Variants in GRID1 observed in about 807,000 individuals in gnomAD.
GRID1 encodes the protein glutamate ionotropic receptor delta type subunit 1.
GRID1 carries 28 observed loss-of-function variants against 98.0 expected under a neutral mutation model. The ratio of observed to expected loss-of-function variants is 0.29; its 90% confidence interval spans 0.21 to 0.39. GRID1 has a LOEUF of 0.39. GRID1 is among the 10% of genes least tolerant of loss of function. GRID1 has a pLI of 1.00. For synonymous variants in GRID1, 553 were observed against 538.5 expected, an observed-to-expected ratio of 1.03 and a Z score of -0.37; for missense variants, 1,111 against 1,340.5, an observed-to-expected ratio of 0.83 and a Z score of 2.67.
At chr10:85,968,539 G>A (rs535130173) in intron 4 of GRID1, among the ~76,000 whole-genome samples, 52 of 150,554 alleles carry the variant, frequency 3.5e-4, no homozygotes, top group Non-Finnish European at 6.3e-4. Flanking sequence ...ATGCAATTTC[G>A]ACAGCAACAA....
At chr10:85,799,455 T>C (rs917118830) in intron 8 of GRID1, among the ~76,000 whole-genome samples, 3 of 152,144 alleles carry the variant, frequency 2.0e-5, no homozygotes, top group Non-Finnish European at 2.9e-5. Context: ...AACTAAGATA[T>C]AGAATCAACC....
intron 12 of GRID1, among the ~76,000 whole-genome samples, chr10:85,679,017 T>C (rs1841176599): frequency 6.6e-6 from 1 of 152,240 alleles, no homozygotes; most frequent in South Asian, 2.1e-4. Flanking sequence ...ACAACACTGA[T>C]GATTTAATTT....
chr10:85,844,106 C>A (rs1842984561), intron 8 of GRID1, among the ~76,000 whole-genome samples: 1 of 152,018 alleles, frequency 6.6e-6, no homozygotes, highest in Non-Finnish European at 1.5e-5. Flanking sequence ...TTGACACATG[C>A]AACAACTTGG....
intron 8 of GRID1, among the ~76,000 whole-genome samples, chr10:85,824,939 C>T (rs757186466): frequency 6.6e-6 from 1 of 152,160 alleles, no homozygotes; most frequent in Non-Finnish European, 1.5e-5. Flanking sequence ...TTTCTTTACC[C>T]ACTCATCAGT....
chr10:86,326,186 G>T (rs1428375612), intron 2 of GRID1, among the ~76,000 whole-genome samples: 1 of 152,124 alleles, frequency 6.6e-6, no homozygotes, highest in Admixed American at 6.5e-5. Context: ...AAATGGGCAG[G>T]ACCTACACAA....
At chr10:85,743,491 T>C (rs1841969170) in intron 8 of GRID1, among the ~76,000 whole-genome samples, 1 of 152,178 alleles carries the variant, frequency 6.6e-6, no homozygotes, top group Non-Finnish European at 1.5e-5. Context: ...AATACAGTGT[T>C]ACAATAAAAA....
intron 8 of GRID1, among the ~76,000 whole-genome samples, chr10:85,839,783 G>A (rs1842945473): frequency 6.6e-6 from 1 of 151,764 alleles, no homozygotes; most frequent in Non-Finnish European, 1.5e-5. Context: ...AAGCTAAACT[G>A]AAGGAAAACC....
intron 5 of GRID1, among the ~76,000 whole-genome samples, chr10:85,903,792 C>A (rs1841422147): frequency 6.6e-6 from 1 of 152,224 alleles, no homozygotes; most frequent in Non-Finnish European, 1.5e-5. Context: ...GACTCCCACT[C>A]AGAGACTTCA....
chr10:86,008,252 C>A (rs1842886992), intron 4 of GRID1, among the ~76,000 whole-genome samples: 1 of 152,074 alleles, frequency 6.6e-6, no homozygotes, highest in African/African-American at 2.4e-5. Flanking sequence ...ACCAGAAAAG[C>A]TAGACCCTCA....
chr10:85,769,213 A>G (rs1419171256), intron 8 of GRID1, among the ~76,000 whole-genome samples: 3 of 152,246 alleles, frequency 2.0e-5, no homozygotes, highest in Non-Finnish European at 2.9e-5. Context: ...TTGCAGCAAC[A>G]TGGGTGCAGC....
intron 8 of GRID1, among the ~76,000 whole-genome samples, chr10:85,834,864 C>G (rs1772166315): frequency 6.6e-6 from 1 of 151,932 alleles, no homozygotes; most frequent in Non-Finnish European, 1.5e-5. Flanking sequence ...CAATACTTAT[C>G]TTAAGGATGT....
chr10:85,854,477 C>G lies in GRID1; in HGVS notation c.1233+19G>C. 4 of 1,612,738 alleles carry G rather than the reference C, an allele frequency of 2.5e-6. No homozygotes were observed. Among genetic ancestry groups the G allele is most frequent in the Non-Finnish European group, 3.4e-6 (4 of 1,178,930 alleles). Reference sequence around the variant, plus strand: ...GCACCATAGCAGGAAGATTGGAAGACAGGGAGCCTGAGGCTTACCTTGCGC... The same window carrying G: ...GCACCATAGCAGGAAGATTGGAAGAGAGGGAGCCTGAGGCTTACCTTGCGC... On this transcript the variant is annotated intron_variant, in intron 8 of 15. Coordinates refer to ENST00000327946, the MANE Select transcript of GRID1 (RefSeq NM_017551.3).
chr10:85,606,925 C>T (rs1347957667), intron 15 of GRID1: 1 of 152,200 alleles, frequency 6.6e-6, no homozygotes, highest in East Asian at 1.9e-4. Flanking sequence ...CAGGTAATGA[C>T]AGCTGTGAAA....
intron 4 of GRID1, among the ~76,000 whole-genome samples, chr10:86,097,766 A>G (rs943778943): frequency 4.6e-5 from 7 of 152,362 alleles, no homozygotes; most frequent in South Asian, 2.1e-4. Flanking sequence ...AACTCTTGAC[A>G]GTGGTTATCT....
chr10:86,011,413 A>C (rs1486961204), intron 4 of GRID1, among the ~76,000 whole-genome samples: 2 of 152,244 alleles, frequency 1.3e-5, no homozygotes, highest in African/African-American at 4.8e-5. Context: ...TAGTGAATAA[A>C]ATGAATTAAA....
intron 5 of GRID1, among the ~76,000 whole-genome samples, chr10:85,898,324 T>C (rs1006162091): frequency 4.6e-5 from 7 of 152,182 alleles, no homozygotes; most frequent in East Asian, 1.9e-4. Context: ...TGGGTGAGTG[T>C]TGAGTAACTG....
chr10:85,800,733 A>G (rs1420232992), intron 8 of GRID1, among the ~76,000 whole-genome samples: 6 of 152,078 alleles, frequency 3.9e-5, no homozygotes, highest in Non-Finnish European at 5.9e-5. Context: ...ATCTTTATAT[A>G]TTACTTTCTA....
intron 11 of GRID1, 100 bp from the exon 12 acceptor site, chr10:85,723,241 T>G: frequency 5.1e-6 from 6 of 1,172,654 alleles, no homozygotes; most frequent in South Asian, 1.9e-5. Context: ...AGGCCATCAC[T>G]CGTGATGGGC....
chr10:85,715,292 A>T (rs1047911597), intron 12 of GRID1, among the ~76,000 whole-genome samples: 2 of 152,188 alleles, frequency 1.3e-5, no homozygotes, highest in East Asian at 1.9e-4. Flanking sequence ...TCCAGAAGAA[A>T]AAAAGCTTTT....
Sources: allele counts gnomAD v4.1 joint callset (sites outside exome capture counted in the v4.1 genomes callset), GRCh38; gene constraint gnomAD v4.1.1; transcripts MANE v1.5; gene names NCBI Gene and HGNC (gene_info 2026-07-23, HGNC 2026-07-21).